Variants in EPHA5 observed in about 807,000 individuals in gnomAD.
EPHA5 encodes EPH receptor A5.
In EPHA5, 60 loss-of-function variants were observed where a neutral mutation model predicts 105.0. That is an observed-to-expected ratio of 0.57 (90% CI 0.46 to 0.71). The LOEUF (loss-of-function observed/expected upper bound fraction) is 0.71. Ranked by LOEUF, EPHA5 falls within the 30% of genes least tolerant of loss-of-function variation. The probability of loss-of-function intolerance (pLI) is 0.00; values close to 1 mark genes in which losing one functional copy is unlikely to be tolerated. For synonymous variants in EPHA5, 513 were observed against 449.1 expected (o/e 1.14, Z -1.80); for missense variants, 1,218 against 1,274.7 (o/e 0.96, Z 0.68).
chr4:65,611,092 C>A (rs1744717493), intron 2 of EPHA5, among the ~76,000 whole-genome samples: 1 of 152,040 alleles, frequency 6.6e-6, no homozygotes, highest in African/African-American at 2.4e-5. Context: ...TACAAATTTA[C>A]CATGTAGATT....
intron 3 of EPHA5, among the ~76,000 whole-genome samples, chr4:65,582,908 C>T (rs953339546): frequency 3.3e-5 from 5 of 151,676 alleles, no homozygotes; most frequent in Admixed American, 6.6e-5. Flanking sequence ...TTGCCTTTGA[C>T]ATTACCTCCA....
At position 65,404,389 on chromosome 4, in the gene EPHA5, A is replaced by G; in HGVS notation, c.1778T>C (p.Val593Ala). 1 of 1,613,496 alleles carries G rather than the reference A, an allele frequency of 6.2e-7. No homozygotes were observed. Residue 593 changes from valine to alanine, a missense_variant, in exon 8 of 17, where the codon GTC becomes GCC. Val to Ala is a moderately conservative substitution (Grantham distance 64, BLOSUM62 0). Coordinates refer to ENST00000613740, the MANE Select transcript of EPHA5 (RefSeq NM_001281766.3). ...CCTCTCTTACCTTCCACTGAGGAGG[A>G]CGCCGATAACCACTGCCAACAAAAT... ...GVILLAVVIGVLLSGRRCGYS... is the reference protein window; with the variant it reads ...GVILLAVVIGALLSGRRCGYS...
chr4:65,434,607 A>C (rs1466048341), intron 5 of EPHA5, among the ~76,000 whole-genome samples: 2 of 152,114 alleles, frequency 1.3e-5, no homozygotes, highest in African/African-American at 4.8e-5. Flanking sequence ...CTTATTTGAA[A>C]TATCACTAAA....
chr4:65,375,860 G>A (rs1718950915), intron 8 of EPHA5, among the ~76,000 whole-genome samples: 1 of 151,444 alleles, frequency 6.6e-6, no homozygotes, highest in South Asian at 2.1e-4. Context: ...ATTTTAGTTT[G>A]TATTTAGTTT....
chr4:65,582,847 TATC>T (rs1399553686), intron 3 of EPHA5, among the ~76,000 whole-genome samples: 1 of 151,776 alleles, frequency 6.6e-6, no homozygotes, highest in Non-Finnish European at 1.5e-5. Flanking sequence ...GCTGGTTGGC[TATC>T]ATTTGATTCT....
chr4:65,619,959 C>T (rs1377973609), intron 2 of EPHA5, among the ~76,000 whole-genome samples: 1 of 150,184 alleles, frequency 6.7e-6, no homozygotes, highest in Non-Finnish European at 1.5e-5. Context: ...TTTTTTCATC[C>T]CTATGCTCAA....
intron 14 of EPHA5, among the ~76,000 whole-genome samples, chr4:65,345,625 C>T (rs545612431): frequency 1.3e-5 from 2 of 152,302 alleles, no homozygotes; most frequent in Non-Finnish European, 2.9e-5. Context: ...TCCTCTAGGG[C>T]CCTTGCAGAG....
At chr4:65,465,497 AAGAAAGAAAGAAAG>A in intron 5 of EPHA5, among the ~76,000 whole-genome samples, 1 of 119,656 alleles carries the variant, frequency 8.4e-6, no homozygotes, top group African/African-American at 3.0e-5. Flanking sequence ...GAAAGAAAGA[AAGAAAGAAAGAAAG>A]AAAGAAAGAA....
At chr4:65,605,877 C>G (rs1432401257) in intron 2 of EPHA5, among the ~76,000 whole-genome samples, 1 of 152,072 alleles carries the variant, frequency 6.6e-6, no homozygotes, top group African/African-American at 2.4e-5. Flanking sequence ...GCTCTCTATC[C>G]TAGGCATCTA....
chr4:65,665,612 T>A (rs1749900162), intron 1 of EPHA5, among the ~76,000 whole-genome samples: 1 of 152,120 alleles, frequency 6.6e-6, no homozygotes, highest in Non-Finnish European at 1.5e-5. Context: ...GCCAACAGTA[T>A]TTCCAGATGA....
At position 65,463,578 on chromosome 4, in the gene EPHA5, C is replaced by T. The variant is rs145333656; in HGVS notation, c.1402+26799G>A. 2.0e-5 allele frequency among the ~76,000 whole-genome samples: 3 copies of T among 152,170 alleles called. No individual in the cohort carries two copies. In the East Asian group the frequency reaches 5.8e-4, roughly 29 times the overall value. ...ATCTGAAGATCACTAAATAGGGATT[C>T]CAAACCACTCTATTACAGTATCGCA... On this transcript the variant is annotated intron_variant, in intron 5 of 16. Coordinates refer to ENST00000613740, the MANE Select transcript of EPHA5 (RefSeq NM_001281766.3).
At position 65,495,652 on chromosome 4, in the gene EPHA5, T is replaced by A. The variant is rs180684238; in HGVS notation, c.911-109A>T. ...TATATGCAGATTACAGATAACACAA[T>A]CTTTGCATCAATTTCAAGAAGTTTT... is the stretch of plus-strand genomic sequence containing the variant. On this transcript the variant is annotated intron_variant, in intron 3 of 16. Coordinates refer to ENST00000613740, the MANE Select transcript of EPHA5 (RefSeq NM_001281766.3). 5.6e-4 allele frequency: 474 copies of A among 848,000 alleles called. 5 individuals are homozygous for A. The South Asian group carries it at 0.01, about 18-fold the overall frequency. The allele number at this position is 848,000 out of a possible 1,614,324, so 52.5% of individuals were successfully genotyped here.
At chr4:65,628,022 G>T (rs757642526) in intron 2 of EPHA5, among the ~76,000 whole-genome samples, 10 of 152,028 alleles carry the variant, frequency 6.6e-5, no homozygotes, top group Non-Finnish European at 1.5e-4. Flanking sequence ...GACTCAAGTT[G>T]TCAGTATTAT....
intron 14 of EPHA5, among the ~76,000 whole-genome samples, chr4:65,339,500 C>T (rs967407528): frequency 1.3e-5 from 2 of 152,208 alleles, no homozygotes; most frequent in South Asian, 2.1e-4. Flanking sequence ...TTAACTATAA[C>T]TTTGTTGATA....
intron 2 of EPHA5, among the ~76,000 whole-genome samples, chr4:65,622,744 C>T (rs1042783261): frequency 3.9e-5 from 6 of 151,920 alleles, no homozygotes; most frequent in African/African-American, 1.5e-4. Context: ...AGGAACATAA[C>T]TCCTGTATAA....
intron 16 of EPHA5, among the ~76,000 whole-genome samples, chr4:65,329,319 T>TAGTC (rs1252689982): frequency 5.3e-5 from 8 of 151,352 alleles, no homozygotes; most frequent in African/African-American, 1.9e-4. Context: ...GCTTTGACTC[T>TAGTC]CAGACCTCTA....
intron 16 of EPHA5, among the ~76,000 whole-genome samples, chr4:65,325,991 G>A (rs1720036127): frequency 6.7e-6 from 1 of 148,200 alleles, no homozygotes; most frequent in Non-Finnish European, 1.5e-5. Context: ...TCCTGGTTGA[G>A]AATCATTGAG....
At chr4:65,342,091 C>T (rs1382801139) in intron 14 of EPHA5, among the ~76,000 whole-genome samples, 8 of 151,942 alleles carry the variant, frequency 5.3e-5, no homozygotes, top group Non-Finnish European at 1.0e-4. Context: ...AAGCCTATTC[C>T]CTTTATAATC....
At chr4:65,359,781 G>T (rs1189565464) in intron 11 of EPHA5, among the ~76,000 whole-genome samples, 1 of 151,492 alleles carries the variant, frequency 6.6e-6, no homozygotes, top group East Asian at 1.9e-4. Flanking sequence ...TCAACACTGG[G>T]TCCTACCACC....
Sources: gnomAD v4.1 joint callset for allele counts (sites outside exome capture counted in the v4.1 genomes callset) on GRCh38, gnomAD v4.1.1 for gene constraint, MANE v1.5 for transcripts, NCBI Gene and HGNC (gene_info 2026-07-23, HGNC 2026-07-21) for gene names.